TPD52: variants seen among roughly 807,000 people sequenced by gnomAD.
TPD52 encodes the protein prostate and colon associated protein.
A neutral mutation model predicts 31.3 loss-of-function variants in TPD52; 17 were observed. The ratio of observed to expected loss-of-function variants is 0.54; its 90% confidence interval spans 0.37 to 0.82. The LOEUF is 0.82. Among genes scored for constraint, TPD52 ranks in the 40% least tolerant of loss-of-function variants. The pLI is 0.00. For missense variants in TPD52, 212 were observed against 240.1 expected, an observed-to-expected ratio of 0.88 and a Z score of 0.77; for synonymous variants, 83 against 89.6, an observed-to-expected ratio of 0.93 and a Z score of 0.42.
In TPD52 at chr8:80,146,497, T is replaced by A. The variant is rs145117286; in HGVS notation, c.19+24928A>T. Among the ~76,000 whole-genome samples, 315 of 152,302 alleles carry A rather than the reference T, an allele frequency of 2.1e-3. 2 individuals carry two copies. Among genetic ancestry groups the A allele is most frequent in the African/African-American group, 7.1e-3 (297 of 41,574 alleles). ...AGCTTAGGCAGAGAATAAAACAAAC[T>A]ACCTAAGGCCGGGCATTAATGTGGT... On this transcript the variant is annotated intron_variant, in intron 1 of 7. Transcript: ENST00000518937.
intron 1 of TPD52, among the ~76,000 whole-genome samples, chr8:80,156,540 T>C (rs1810984553): frequency 1.3e-5 from 2 of 152,132 alleles, no homozygotes; most frequent in Admixed American, 6.6e-5. Context: ...TGTGGGTAGA[T>C]TCAGGAGTGA....
intron 1 of TPD52, among the ~76,000 whole-genome samples, chr8:80,079,612 A>C (rs1222579116): frequency 6.6e-6 from 1 of 152,210 alleles, no homozygotes; most frequent in African/African-American, 2.4e-5. Flanking sequence ...TTGGCAAATT[A>C]CAGAGAAGGT....
intron 1 of TPD52, 172 bp from the exon 2 acceptor site, chr8:80,064,765 C>A: frequency 1.4e-6 from 1 of 695,550 alleles, no homozygotes; most frequent in South Asian, 1.5e-5. Context: ...AAAATCTGAG[C>A]TAACCACCGG....
At position 80,114,879 on chromosome 8, in the gene TPD52, G is replaced by A. The variant is rs114438061; in HGVS notation, c.20-50286C>T. Among the ~76,000 whole-genome samples, 860 of 152,236 alleles carry A rather than the reference G, an allele frequency of 5.6e-3. 8 individuals are homozygous for A. Among genetic ancestry groups the A allele is most frequent in the African/African-American group, 0.02 (815 of 41,512 alleles). On this transcript the variant is annotated intron_variant, in intron 1 of 7. Transcript: ENST00000518937. ...TGGCGTGACAGGCTCCACTCCTAAGGCTTAGTTTCTGCCAAGTGCCATCTT... is the reference window on the plus strand; with the variant it reads ...TGGCGTGACAGGCTCCACTCCTAAGACTTAGTTTCTGCCAAGTGCCATCTT...
chr8:80,171,538 G>T lies in TPD52; in HGVS notation c.-95C>A. On this transcript the variant is annotated 5_prime_UTR_variant, in exon 1 of 8. Transcript: ENST00000518937. The stretch of plus-strand genomic sequence containing the variant: ...GCCGCGCCGCGCAGAGCTCCTCCTC[G>T]CCTCCGCCGGCGACTCCCGCGAAGT... 7.2e-7 allele frequency: 1 copy of T among 1,393,680 alleles called. No individual in the cohort carries two copies. Among genetic ancestry groups the T allele is most frequent in the Non-Finnish European group, 9.3e-7 (1 of 1,079,100 alleles). The allele number at this position is 1,393,680 out of a possible 1,614,324, so 86.3% of individuals were successfully genotyped here. A position where few individuals can be genotyped will look rare whatever the true frequency, so the allele number is the denominator to read the frequency against.
chr8:80,115,125 GC>G (rs1807773518), intron 1 of TPD52, among the ~76,000 whole-genome samples: 1 of 152,170 alleles, frequency 6.6e-6, no homozygotes, highest in African/African-American at 2.4e-5. Flanking sequence ...ACCTTTTTAA[GC>G]TTTTTGACTT....
At chr8:80,132,533 T>C (rs1308157187) in intron 1 of TPD52, among the ~76,000 whole-genome samples, 1 of 152,198 alleles carries the variant, frequency 6.6e-6, no homozygotes, top group East Asian at 1.9e-4. Flanking sequence ...TCGGTTGCCG[T>C]GAAAATTAAC....
chr8:80,046,976 T>C (rs974739026), intron 5 of TPD52, among the ~76,000 whole-genome samples: 10 of 152,214 alleles, frequency 6.6e-5, no homozygotes, highest in African/African-American at 2.4e-4. Context: ...GGAAAGTTAA[T>C]GGCTAACATG....
rs545474413 is a variant in TPD52, at chr8:80,066,662, G to A, written c.20-2069C>T. 2.0e-4 allele frequency among the ~76,000 whole-genome samples: 30 copies of A among 152,222 alleles called. No homozygotes were observed. In the South Asian group the frequency reaches 5.0e-3, roughly 25 times the overall value. ...TTGGCAGGTAGCCCTTACTGGACCC[G>A]TCTCCTGCTAGCTGGCATTGGCACC... On this transcript the variant is annotated intron_variant, in intron 1 of 7. Coordinates refer to ENST00000518937, the MANE Select transcript of TPD52 (RefSeq NM_001025253.3).
chr8:80,099,407 C>A (rs1254942484), intron 1 of TPD52, among the ~76,000 whole-genome samples: 2 of 151,996 alleles, frequency 1.3e-5, no homozygotes, highest in Admixed American at 6.5e-5. Context: ...GAATATCTGG[C>A]CAAGCTAGAG....
rs552418581 is a variant in TPD52 at position 80,075,365 on chromosome 8, A to C, written c.20-10772T>G. On this transcript the variant is annotated intron_variant, in intron 1 of 7. Coordinates refer to ENST00000518937, the MANE Select transcript of TPD52 (RefSeq NM_001025253.3). The stretch of plus-strand genomic sequence containing the variant: ...AAAGGGAAAGGAGCGCTTGGGAGCC[A>C]CATCGGGTGCAAAGTGCTCCTGGGA... 3.5e-4 allele frequency among the ~76,000 whole-genome samples: 53 copies of C among 152,350 alleles called. No individual in the cohort carries two copies. The South Asian group carries it at 9.9e-3, about 29-fold the overall frequency.
intron 1 of TPD52, among the ~76,000 whole-genome samples, chr8:80,144,298 T>C (rs1810043289): frequency 6.6e-6 from 1 of 152,198 alleles, no homozygotes; most frequent in African/African-American, 2.4e-5. Flanking sequence ...ATTTTGCAAT[T>C]AGAAGCCAAA....
At chr8:80,083,373 T>C (rs1281919320) in intron 1 of TPD52, among the ~76,000 whole-genome samples, 1 of 152,218 alleles carries the variant, frequency 6.6e-6, no homozygotes, top group Non-Finnish European at 1.5e-5. Flanking sequence ...TTTGGCTCTG[T>C]GTCCCCACCC....
intron 1 of TPD52, among the ~76,000 whole-genome samples, chr8:80,148,561 A>C (rs1162911574): frequency 6.6e-6 from 1 of 152,220 alleles, no homozygotes; most frequent in East Asian, 1.9e-4. Flanking sequence ...TAAAGCCAAT[A>C]TCTAAAACAG....
At chr8:80,112,681 C>T (rs1807580640) in intron 1 of TPD52, among the ~76,000 whole-genome samples, 1 of 152,220 alleles carries the variant, frequency 6.6e-6, no homozygotes, top group Non-Finnish European at 1.5e-5. Context: ...ACTTCCAACA[C>T]TGAAGCGACT....
At chr8:80,105,994 T>C (rs1240487863) in intron 1 of TPD52, among the ~76,000 whole-genome samples, 1 of 152,182 alleles carries the variant, frequency 6.6e-6, no homozygotes, top group East Asian at 1.9e-4. Flanking sequence ...TATCCCTGTC[T>C]GGCAGAGAAA....
chr8:80,109,316 C>A (rs958937406), intron 1 of TPD52, among the ~76,000 whole-genome samples: 1 of 152,102 alleles, frequency 6.6e-6, no homozygotes, highest in Non-Finnish European at 1.5e-5. Context: ...AGAACTTGTG[C>A]GGTCAATCAC....
At chr8:80,162,027 C>T (rs532965671) in intron 1 of TPD52, among the ~76,000 whole-genome samples, 4 of 152,204 alleles carry the variant, frequency 2.6e-5, no homozygotes, top group East Asian at 1.9e-4. Flanking sequence ...CCGCACCTGG[C>T]CTTAAATAAT....
chr8:80,085,296 T>C (rs1320401566), intron 1 of TPD52, among the ~76,000 whole-genome samples: 2 of 152,240 alleles, frequency 1.3e-5, no homozygotes, highest in Non-Finnish European at 2.9e-5. Flanking sequence ...AGACGACTCA[T>C]GTCATTGCAA....
Sources: allele counts gnomAD v4.1 joint callset (sites outside exome capture counted in the v4.1 genomes callset), GRCh38; gene constraint gnomAD v4.1.1; transcripts MANE v1.5; gene names NCBI Gene and HGNC (gene_info 2026-07-23, HGNC 2026-07-21).